HMCN1: variants seen among roughly 807,000 people sequenced by gnomAD.
The protein encoded by HMCN1 is hemicentin 1, also known as hemicentin-1.
Under a neutral mutation model 625.9 loss-of-function variants are expected in HMCN1, and 321 were observed. The ratio of observed to expected loss-of-function variants is 0.51; its 90% CI spans 0.47 to 0.56. The LOEUF (loss-of-function observed/expected upper bound fraction) is 0.56, where lower values mean the gene tolerates loss of function less well. Among genes scored for constraint, HMCN1 ranks in the 20% least tolerant of loss-of-function variants. HMCN1 has a pLI of 0.00. For synonymous variants in HMCN1, 2,425 were observed against 2,417.6 expected (o/e 1.00, Z -0.09); for missense variants, 6,588 against 6,887.3 (o/e 0.96, Z 1.54).
chr1:185,782,431 CT>C (rs1388259245), intron 1 of HMCN1, among the ~76,000 whole-genome samples: 2 of 152,200 alleles, frequency 1.3e-5, no homozygotes, highest in Non-Finnish European at 2.9e-5. Context: ...GATGCAGATT[CT>C]TCCTAGCCTT....
intron 55 of HMCN1, among the ~76,000 whole-genome samples, chr1:186,080,924 A>G (rs1659133818): frequency 6.6e-6 from 1 of 152,168 alleles, no homozygotes; most frequent in African/African-American, 2.4e-5. Flanking sequence ...GAGAAGTAAA[A>G]GATATATTGG....
intron 100 of HMCN1, among the ~76,000 whole-genome samples, chr1:186,168,210 A>G (rs1651997557): frequency 6.6e-6 from 1 of 151,074 alleles, no homozygotes; most frequent in Non-Finnish European, 1.5e-5. Context: ...TTTGGTGGGC[A>G]AGAAAGGTAA....
At chr1:185,822,067 C>G (rs1225453787) in intron 1 of HMCN1, among the ~76,000 whole-genome samples, 2 of 151,910 alleles carry the variant, frequency 1.3e-5, no homozygotes, top group Non-Finnish European at 2.9e-5. Flanking sequence ...GAGGAATGAA[C>G]AGGTGGAGCA....
At chr1:186,020,928 T>A (rs894029876) in intron 35 of HMCN1, among the ~76,000 whole-genome samples, 1 of 152,078 alleles carries the variant, frequency 6.6e-6, no homozygotes, top group African/African-American at 2.4e-5. Flanking sequence ...ATTTTTACTT[T>A]AAGGTAATGA....
chr1:186,088,930 T>C (rs1303080211), intron 63 of HMCN1, among the ~76,000 whole-genome samples, 175 bp downstream of exon 63: 2 of 152,044 alleles, frequency 1.3e-5, no homozygotes, highest in African/African-American at 2.4e-5. Context: ...TTCATGGAAA[T>C]GGACATAAAT....
intron 4 of HMCN1, among the ~76,000 whole-genome samples, chr1:185,895,496 C>T (rs749293925): frequency 3.7e-4 from 56 of 152,298 alleles, no homozygotes; most frequent in Middle Eastern, 3.4e-3. Flanking sequence ...AAGGTGCTGA[C>T]TTCAGTATAT....
chr1:185,794,037 G>A (rs1360481796), intron 1 of HMCN1, among the ~76,000 whole-genome samples: 2 of 152,138 alleles, frequency 1.3e-5, no homozygotes, highest in African/African-American at 2.4e-5. Context: ...CACTGCCGAT[G>A]CTGTTACTTG....
In HMCN1 at chr1:186,117,106, A is replaced by T. The variant is rs777001598; in HGVS notation, c.11674A>T (p.Thr3892Ser). 3 of 1,613,378 alleles carry T rather than the reference A, an allele frequency of 1.9e-6. No individual in the cohort carries two copies. The South Asian group carries it at 3.3e-5, about 18-fold the overall frequency. Residue 3892 changes from threonine (T) to serine (S), a missense_variant, in exon 76 of 107, where the codon ACT (threonine) becomes TCT (serine). This residue lies in a region of HMCN1 where 4,628 missense variants were observed against 4,853.1 expected (regional missense o/e 0.95). Transcript: ENST00000271588. ...AGDDKRTVDL[T>S]VQVPPSIADE... ...AGATGATAAAAGAACTGTGGATCTC[A>T]CTGTCCAAGGTAGAATTGGCTTGGA...
chr1:186,067,691 G>C, intron 49 of HMCN1, 143 bp from the exon 50 acceptor site: 1 of 611,302 alleles, frequency 1.6e-6, no homozygotes, highest in Non-Finnish European at 2.8e-6. Context: ...ACTCTTTTGT[G>C]TAAAATAATA....
intron 6 of HMCN1, among the ~76,000 whole-genome samples, chr1:185,913,634 G>C (rs188135141): frequency 6.6e-6 from 1 of 152,242 alleles, no homozygotes; most frequent in Admixed American, 6.5e-5. Flanking sequence ...CATGTTAGTA[G>C]CAATTTATTG....
intron 4 of HMCN1, among the ~76,000 whole-genome samples, chr1:185,893,496 C>T (rs953299350): frequency 2.6e-5 from 4 of 152,130 alleles, no homozygotes; most frequent in African/African-American, 4.8e-5. Context: ...ACTGTATTAA[C>T]ATATTTATAT....
chr1:185,977,644 G>A (rs1651312511), intron 15 of HMCN1, 143 bp from the exon 16 acceptor site: 5 of 659,986 alleles, frequency 7.6e-6, no homozygotes, highest in Non-Finnish European at 1.3e-5. Flanking sequence ...TTACCTAAGA[G>A]AGGAATATCA....
Position 186,086,349 on chromosome 1 carries a change from C to T in HMCN1, c.8988C>T (p.Leu2996=). Residue 2996 remains leucine, a synonymous_variant, in exon 58 of 107, where the codon CTC becomes CTT. Coordinates refer to ENST00000271588, the MANE Select transcript of HMCN1 (RefSeq NM_031935.3). ...TCTCTGGTTTTCCACCTCCTGACCT[C>T]AGCTGGCTCAAGAATGAACAGCCCA... ...CEVSGFPPPD[L]SWLKNEQPIK... 1 of 1,613,394 alleles carries T rather than the reference C, an allele frequency of 6.2e-7. No individual in the cohort carries two copies.
intron 23 of HMCN1, 61 bp from the exon 24 acceptor site, chr1:185,994,754 A>G (rs1652666981): frequency 3.3e-6 from 5 of 1,527,740 alleles, no homozygotes; most frequent in Non-Finnish European, 4.5e-6. Context: ...CTCTCGTTTA[A>G]AGTGAGTAAA....
chr1:185,892,732 T>C (rs1385738420), intron 4 of HMCN1, among the ~76,000 whole-genome samples: 1 of 152,048 alleles, frequency 6.6e-6, no homozygotes, highest in African/African-American at 2.4e-5. Context: ...GACAGGGACA[T>C]TTAAGTCTGC....
chr1:186,117,189 G>A, intron 76 of HMCN1, 74 bp downstream of exon 76: 1 of 1,577,206 alleles, frequency 6.3e-7, no homozygotes, highest in Non-Finnish European at 8.6e-7. Context: ...TTACAAAAGG[G>A]ATCCCTTTTC....
At chr1:185,801,561 T>C (rs988166526) in intron 1 of HMCN1, among the ~76,000 whole-genome samples, 2 of 152,336 alleles carry the variant, frequency 1.3e-5, no homozygotes, top group African/African-American at 4.8e-5. Flanking sequence ...ATTGATTAAA[T>C]AGTCACATTA....
At chr1:185,974,270 G>T (rs1358498353) in intron 15 of HMCN1, among the ~76,000 whole-genome samples, 4 of 152,044 alleles carry the variant, frequency 2.6e-5, no homozygotes, top group Admixed American at 2.6e-4. Context: ...ATTAACCATA[G>T]ACTTATTAAA....
intron 13 of HMCN1, 57 bp from the exon 14 acceptor site, chr1:185,965,741 TAAAC>T (rs1403514393): frequency 1.5e-5 from 14 of 950,736 alleles, no homozygotes; most frequent in Non-Finnish European, 1.9e-5. Flanking sequence ...TTAGTAAACA[TAAAC>T]AAAATCCATC....
Sources: allele counts gnomAD v4.1 joint callset (sites outside exome capture counted in the v4.1 genomes callset), GRCh38; gene constraint gnomAD v4.1.1; regional missense constraint gnomAD v4.1.1; transcripts MANE v1.5; gene names NCBI Gene and HGNC (gene_info 2026-07-23, HGNC 2026-07-21).